Variants in SPINT4 observed in about 807,000 individuals in gnomAD.
SPINT4 encodes the protein kunitz-type protease inhibitor 4.
In SPINT4, 7 loss-of-function variants were observed where a neutral mutation model predicts 9.4. That is an observed-to-expected ratio of 0.74 (90% CI 0.42 to 1.40). The LOEUF is 1.40. Among genes scored for constraint, SPINT4 ranks in the 40% most tolerant of loss-of-function variants. The probability of loss-of-function intolerance (pLI) is 0.01; values close to 1 mark genes in which losing one functional copy is unlikely to be tolerated. For missense variants in SPINT4, 105 were observed against 114.4 expected (o/e 0.92, Z 0.37); for synonymous variants, 36 against 39.9 (o/e 0.90, Z 0.37).
At chr20:45,724,525 AAAAAAAAAC>A (rs1984885090) in intron 2 of SPINT4, among the ~76,000 whole-genome samples, 1 of 150,284 alleles carries the variant, frequency 6.7e-6, no homozygotes, top group African/African-American at 2.5e-5. Context: ...AAAAAAAAAA[AAAAAAAAAC>A]CACATTTGGG....
Position 45,725,611 on chromosome 20 carries a change from T to A in SPINT4, c.294-18T>A. ...CCTGTAACACCGATTTGGGTTTTTCTTTCCTTTGCTTAAACAGGAGGTGAG... is the reference window on the plus strand; with the variant it reads ...CCTGTAACACCGATTTGGGTTTTTCATTCCTTTGCTTAAACAGGAGGTGAG... On this transcript the variant is annotated intron_variant, in intron 2 of 2. Transcript: ENST00000279058. 1.2e-6 allele frequency: 2 copies of A among 1,613,848 alleles called. No individual in the cohort carries two copies. The highest frequency in any genetic ancestry group is 1.7e-6 in the Non-Finnish European group (2 of 1,179,748).
In SPINT4 at chr20:45,723,983, C is replaced by G. The variant is rs114654740; in HGVS notation, c.219C>G (p.Gly73=). The change falls in exon 2 of 3, where the codon GGC becomes GGG. Residue 73 remains glycine, a synonymous_variant. Coordinates refer to ENST00000279058, the MANE Select transcript of SPINT4 (RefSeq NM_178455.3). Reference sequence around the variant, plus strand: ...GATGTGAAACTTTTGTCTTCTCCGGCTGTAATGGCAACCTTAACAACTTCA... The same window carrying G: ...GATGTGAAACTTTTGTCTTCTCCGGGTGTAATGGCAACCTTAACAACTTCA... ...SKRCETFVFS[G]CNGNLNNFKL... 2.0e-3 allele frequency: 3,141 copies of G among 1,610,622 alleles called. 68 individuals carry two copies. The African/African-American group carries it at 0.038, about 19-fold the overall frequency.
At chr20:45,722,758 T>C (rs777460840) in intron 1 of SPINT4, among the ~76,000 whole-genome samples, 9 of 152,092 alleles carry the variant, frequency 5.9e-5, no homozygotes, top group Non-Finnish European at 1.2e-4. Context: ...AGAGGTTGTG[T>C]GACAAATTTC....
rs777941070 is a variant in SPINT4, at chr20:45,725,738, A to C, written c.*103A>C. On this transcript the variant is annotated 3_prime_UTR_variant, in exon 3 of 3. Coordinates refer to ENST00000279058, the MANE Select transcript of SPINT4 (RefSeq NM_178455.3). The stretch of plus-strand genomic sequence containing the variant: ...CTTTGTAATATTTCCATAATGCTTT[A>C]AGCTTCCATATGTTTGCTATTTTCC... 78 of 1,457,892 alleles carry C rather than the reference A, an allele frequency of 5.4e-5. No homozygotes were observed. The highest frequency in any genetic ancestry group is 7.3e-5 in the Non-Finnish European group (76 of 1,040,320). The allele number at this position is 1,457,892 out of a possible 1,614,324, so 90.3% of individuals were successfully genotyped here.
intron 2 of SPINT4, among the ~76,000 whole-genome samples, chr20:45,724,622 T>C (rs1984888499): frequency 6.6e-6 from 1 of 151,674 alleles, no homozygotes; most frequent in Non-Finnish European, 1.5e-5. Context: ...CACCATCTAT[T>C]GGACAATTAC....
Position 45,722,454 on chromosome 20 carries a change from T to C in SPINT4, c.87T>C (p.Ile29=). ...NTLLLGGVNK[I]AEKICGDLKD... is the part of the protein sequence containing the mutation. The stretch of plus-strand genomic sequence containing the variant: ...TGTTATTGGGTGGTGTTAATAAAAT[T>C]GCGGAGAAGATATGTGGAGACCTCA... Residue 29 remains isoleucine, a synonymous_variant, in exon 1 of 3, where the codon ATT becomes ATC. Coordinates refer to ENST00000279058, the MANE Select transcript of SPINT4 (RefSeq NM_178455.3). The C allele has an allele frequency of 6.2e-7, 1 of 1,612,912 alleles. No homozygotes were observed. Among genetic ancestry groups the C allele is most frequent in the South Asian group, 1.1e-5 (1 of 91,072 alleles).
intron 2 of SPINT4, among the ~76,000 whole-genome samples, chr20:45,724,590 T>C (rs1469623928): frequency 6.7e-6 from 1 of 150,272 alleles, no homozygotes; most frequent in Non-Finnish European, 1.5e-5. Flanking sequence ...GGAAATCAAA[T>C]GCCCAGAGAG....
At chr20:45,725,582 A>T (rs974640560) in intron 2 of SPINT4, 47 bp from the exon 3 acceptor site, 1 of 1,612,644 alleles carries the variant, frequency 6.2e-7, no homozygotes, top group African/African-American at 1.3e-5. Flanking sequence ...GAGACCTTCA[A>T]AAACCTGTAA....
rs57013944 is a variant in SPINT4, at chr20:45,725,013, T to TATATACACATATATATATATATACAC, written c.294-611_294-610insCACATATATATATATATACACATATA. ...AAAAAAAAATATATATATATATATA[T>TATATACACATATATATATATATACAC]ATATATATATATATCAATAGATATA... On this transcript the variant is annotated intron_variant, in intron 2 of 2. Coordinates refer to ENST00000279058, the MANE Select transcript of SPINT4 (RefSeq NM_178455.3). Among the ~76,000 whole-genome samples, 54 of 49,444 alleles carry TATATACACATATATATATATATACAC rather than the reference T, an allele frequency of 1.1e-3. 1 individual carries two copies. The highest frequency in any genetic ancestry group is 5.0e-3 in the South Asian group (6 of 1,192). The allele number at this position is 49,444 out of a possible 152,430, so 32.4% of individuals were successfully genotyped here.
intron 1 of SPINT4, among the ~76,000 whole-genome samples, chr20:45,722,827 CAG>C (rs1348728331): frequency 6.6e-6 from 1 of 152,076 alleles, no homozygotes; most frequent in Non-Finnish European, 1.5e-5. Context: ...GGGTTGGAGA[CAG>C]AGCAAATTAA....
Position 45,725,588 on chromosome 20 carries a change from T to C in SPINT4, c.294-41T>C, listed in dbSNP as rs201831063. On this transcript the variant is annotated intron_variant, in intron 2 of 2. Transcript: ENST00000279058. The stretch of plus-strand genomic sequence containing the variant: ...TAATCCAGGGAGACCTTCAAAAACC[T>C]GTAACACCGATTTGGGTTTTTCTTT... 7.2e-5 allele frequency: 116 copies of C among 1,613,014 alleles called. No individual in the cohort carries two copies. In the East Asian group the frequency reaches 1.8e-3, roughly 26 times the overall value.
intron 1 of SPINT4, among the ~76,000 whole-genome samples, 171 bp from the exon 2 acceptor site, chr20:45,723,709 G>A (rs1984856340): frequency 6.6e-6 from 1 of 152,040 alleles, no homozygotes; most frequent in South Asian, 2.1e-4. Flanking sequence ...ATTGTGCAAG[G>A]GCAACATTTC....
At position 45,724,537 on chromosome 20, in the gene SPINT4, C is replaced by T. The variant is rs559485348; in HGVS notation, c.293+480C>T. Among the ~76,000 whole-genome samples, 500 of 141,220 alleles carry T rather than the reference C, an allele frequency of 3.5e-3. 5 individuals are homozygous for T. Among genetic ancestry groups the T allele is most frequent in the African/African-American group, 0.013 (479 of 38,036 alleles). 92.6% of individuals were successfully genotyped at this position (141,220 alleles called of 152,430 possible). ...TAAAAAAAAAAAAAAAAAAAAACCA[C>T]ATTTGGGTGGGCTGTCAGGATCATT... On this transcript the variant is annotated intron_variant, in intron 2 of 2. Coordinates refer to ENST00000279058, the MANE Select transcript of SPINT4 (RefSeq NM_178455.3).
Position 45,724,047 on chromosome 20 carries a change from TACAAACCA to T in SPINT4, c.284_291del (p.Tyr95SerfsTer26). The T allele has an allele frequency of 6.2e-7, 1 of 1,606,794 alleles. No homozygotes were observed. The highest frequency in any genetic ancestry group is 1.7e-4 in the Middle Eastern group (1 of 6,036). ...ACGTGAAGTAGCCTGTGTTGCAAAA[TACAAACCA>T]CCGTAAGGAATCTAATCCTGTCCTT... On this transcript the variant is annotated frameshift_variant and splice_region_variant, in exon 2 of 3. Transcript: ENST00000279058. LOFTEE classifies it low-confidence loss of function (END_TRUNC).
chr20:45,725,551 A>T lies in SPINT4; in HGVS notation c.294-78A>T, dbSNP rs1320814396. On this transcript the variant is annotated intron_variant, in intron 2 of 2. Transcript: ENST00000279058. ...CCTCTGTGCTTTCCCTAGGATAAAA[A>T]ATGACCTGCATTAATCCAGGGAGAC... 3.3e-6 allele frequency: 5 copies of T among 1,514,568 alleles called. No homozygotes were observed. In the African/African-American group the frequency reaches 6.8e-5, roughly 21 times the overall value. 93.8% of individuals were successfully genotyped at this position (1,514,568 alleles called of 1,614,324 possible).
Position 45,723,982 on chromosome 20 carries a change from G to A in SPINT4, c.218G>A (p.Gly73Asp), listed in dbSNP as rs1244916874. 9 of 1,610,462 alleles carry A rather than the reference G, an allele frequency of 5.6e-6. No individual in the cohort carries two copies. Among genetic ancestry groups the A allele is most frequent in the Non-Finnish European group, 7.6e-6 (9 of 1,178,984 alleles). Residue 73 changes from glycine to aspartate, a missense_variant, in exon 2 of 3, where the codon GGC becomes GAC. Transcript: ENST00000279058. The stretch of plus-strand genomic sequence containing the variant: ...AGATGTGAAACTTTTGTCTTCTCCG[G>A]CTGTAATGGCAACCTTAACAACTTC... ...SKRCETFVFS[G>D]CNGNLNNFKL... is the part of the protein sequence containing the mutation.
chr20:45,723,138 G>A (rs1205496941), intron 1 of SPINT4, among the ~76,000 whole-genome samples: 1 of 152,120 alleles, frequency 6.6e-6, no homozygotes, highest in Non-Finnish European at 1.5e-5. Flanking sequence ...AAAAGTGCCT[G>A]CTGCAGAGGG....
chr20:45,724,995 A>AAAAAAAATATATATATATATATACAC (rs1387842262), intron 2 of SPINT4, among the ~76,000 whole-genome samples: 1 of 36,428 alleles, frequency 2.7e-5, no homozygotes, highest in African/African-American at 1.9e-4. Flanking sequence ...AAAAAAAAAA[A>AAAAAAAATATATATATATATATACAC]ATATATATAT....
chr20:45,723,098 C>A (rs555806639), intron 1 of SPINT4, among the ~76,000 whole-genome samples: 3 of 152,228 alleles, frequency 2.0e-5, no homozygotes, highest in Non-Finnish European at 4.4e-5. Flanking sequence ...CTCTTAGTCT[C>A]AGTTTCCCCA....
Sources: gnomAD v4.1 joint callset for allele counts (sites outside exome capture counted in the v4.1 genomes callset) on GRCh38, gnomAD v4.1.1 for gene constraint, MANE v1.5 for transcripts, NCBI Gene and HGNC (gene_info 2026-07-23, HGNC 2026-07-21) for gene names.